The following FADS3 variants were observed in gnomAD, a reference collection of about 807,000 sequenced individuals.
FADS3 encodes the protein fatty acid desaturase 3, also known as cytochrome b5-related protein.
FADS3 carries 30 observed loss-of-function variants against 60.4 expected under a neutral mutation model. That is an observed-to-expected ratio of 0.50 (90% confidence interval 0.37 to 0.67). The LOEUF (loss-of-function observed/expected upper bound fraction) is 0.67. Among genes scored for constraint, FADS3 ranks in the 30% least tolerant of loss-of-function variants. The pLI, the probability that FADS3 is intolerant of heterozygous loss-of-function variation, is 0.00. For missense variants in FADS3, 432 were observed against 598.3 expected (o/e 0.72, Z 2.90); for synonymous variants, 234 against 249.3 (o/e 0.94, Z 0.58).
In FADS3 at chr11:61,876,823, G is replaced by A. The variant is rs1317362805; in HGVS notation, c.983+43C>T. On this transcript the variant is annotated intron_variant, in intron 8 of 11. Coordinates refer to ENST00000278829, the MANE Select transcript of FADS3 (RefSeq NM_021727.5). The surrounding 1 kb of genome is among the most constrained non-coding windows in gnomAD (Gnocchi z 5.7). ...GCTCTGGTGGGGGGCTGCAGTGGGG[G>A]TCACCTGTCGCCTGTGTGTGACCTC... 6.8e-7 allele frequency: 1 copy of A among 1,466,174 alleles called. No individual in the cohort carries two copies. The highest frequency in any genetic ancestry group is 9.4e-7 in the Non-Finnish European group (1 of 1,063,574). The allele number at this position is 1,466,174 out of a possible 1,614,324, so 90.8% of individuals were successfully genotyped here.
rs185378227 is a variant in FADS3 at position 61,880,242 on chromosome 11, G to A, written c.214-91C>T. 6.1e-4 allele frequency: 618 copies of A among 1,004,930 alleles called. 4 individuals are homozygous for A. Among genetic ancestry groups the A allele is most frequent in the Non-Finnish European group, 1.9e-4 (123 of 651,356 alleles). The allele number at this position is 1,004,930 out of a possible 1,614,324, so 62.3% of individuals were successfully genotyped here. A position where few individuals can be genotyped will look rare whatever the true frequency, so the allele number is the denominator to read the frequency against. ...GAGACAGGCGGAAGGACTACGGATG[G>A]ATGGGCAGAGCAGACGACAGGCGGA... On this transcript the variant is annotated intron_variant, in intron 1 of 11. Transcript: ENST00000278829.
chr11:61,885,769 G>T (rs892274947), intron 1 of FADS3, among the ~76,000 whole-genome samples: 2 of 152,276 alleles, frequency 1.3e-5, no homozygotes, highest in East Asian at 3.9e-4. Flanking sequence ...GGTGGTCGGG[G>T]TCTGTCCTCG....
rs752560493 is a variant in FADS3, at chr11:61,877,578, G to A, written c.818C>T (p.Pro273Leu). ...QHLYFFLIGP[P>L]LLTLVNFEVE... Reference sequence around the variant, plus strand: ...TTCAAAGTTCACCAGGGTGAGCAGCGGCGGGCCGACTGCAAGAAGGGGCAT... The same window carrying A: ...TTCAAAGTTCACCAGGGTGAGCAGCAGCGGGCCGACTGCAAGAAGGGGCAT... The change falls in exon 7 of 12, where the codon CCG becomes CTG. Residue 273 changes from proline to leucine, a missense_variant. Physicochemically the swap from Pro to Leu is moderately conservative, Grantham distance 98. This residue lies in a region of FADS3 where 116 missense variants were observed against 208.9 expected (regional missense o/e 0.56). Transcript: ENST00000278829. This position sits in a 1 kb window ranked among gnomAD's most constrained non-coding sequence, Gnocchi z 4.7. 11 of 1,613,582 alleles carry A rather than the reference G, an allele frequency of 6.8e-6. No individual in the cohort carries two copies. The highest frequency in any genetic ancestry group is 1.3e-5 in the African/African-American group (1 of 74,944).
chr11:61,879,939 C>G, intron 2 of FADS3, 102 bp downstream of exon 2: 1 of 938,198 alleles, frequency 1.1e-6, no homozygotes, highest in Non-Finnish European at 1.6e-6. Flanking sequence ...TCCCCTTGGG[C>G]GAATGCCGAG....
chr11:61,888,665 C>T (rs1938393473), intron 1 of FADS3, among the ~76,000 whole-genome samples: 1 of 152,184 alleles, frequency 6.6e-6, no homozygotes, highest in Non-Finnish European at 1.5e-5. Flanking sequence ...GCAGGGCACG[C>T]TCACACTTAG....
At position 61,875,959 on chromosome 11, in the gene FADS3, G is replaced by A. The variant is rs757125071; in HGVS notation, c.1178C>T (p.Pro393Leu). ...GGCCACCCGGCTGTAGTTGTGTCTC[G>A]GCATCCTGGGGAAGAGGCTGGGGGT... is the stretch of plus-strand genomic sequence containing the variant. ...QIEHHLFPRMPRHNYSRVAPL... is the reference protein window; with the variant it reads ...QIEHHLFPRMLRHNYSRVAPL... The change falls in exon 11 of 12, where the codon CCG becomes CTG. Residue 393 changes from proline (P) to leucine (L), a missense_variant. Around this residue, in one of 5 missense-constraint regions of FADS3, gnomAD observed 48 missense variants for 101.3 expected, o/e 0.47. Coordinates refer to ENST00000278829, the MANE Select transcript of FADS3 (RefSeq NM_021727.5). 5 of 1,613,738 alleles carry A rather than the reference G, an allele frequency of 3.1e-6. No individual in the cohort carries two copies. The highest frequency in any genetic ancestry group is 2.2e-5 in the East Asian group (1 of 44,884).
chr11:61,877,813 T>C lies in FADS3; in HGVS notation c.809-226A>G. The C allele has an allele frequency of 1.7e-6, 1 of 600,212 alleles. No individual in the cohort carries two copies. The highest frequency in any genetic ancestry group is 3.0e-6 in the Non-Finnish European group (1 of 335,896). The allele number at this position is 600,212 out of a possible 1,614,324, so 37.2% of individuals were successfully genotyped here. A position where few individuals can be genotyped will look rare whatever the true frequency, so the allele number is the denominator to read the frequency against. On this transcript the variant is annotated intron_variant, in intron 6 of 11. Transcript: ENST00000278829. The surrounding 1 kb of genome is among the most constrained non-coding windows in gnomAD (Gnocchi z 4.7). Reference sequence around the variant, plus strand: ...CTTCACCGCAAGTCAGGGCCAGACTTGAGTCCTCACTCTGTCCGCCCCAAC... The same window carrying C: ...CTTCACCGCAAGTCAGGGCCAGACTCGAGTCCTCACTCTGTCCGCCCCAAC...
At chr11:61,888,570 C>T (rs965339708) in intron 1 of FADS3, among the ~76,000 whole-genome samples, 1 of 152,228 alleles carries the variant, frequency 6.6e-6, no homozygotes, top group Admixed American at 6.5e-5. Flanking sequence ...GTGTCCCTTT[C>T]CTACTTCAGA....
intron 1 of FADS3, among the ~76,000 whole-genome samples, chr11:61,885,026 C>T (rs914024677): frequency 3.9e-5 from 6 of 152,120 alleles, no homozygotes; most frequent in African/African-American, 1.4e-4. Flanking sequence ...GAAATGAAGG[C>T]TCAGCGGGAA....
In FADS3 at chr11:61,873,867, T is replaced by A; in HGVS notation, c.1287-2A>T. 7.7e-7 allele frequency: 1 copy of A among 1,300,692 alleles called. No homozygotes were observed. The highest frequency in any genetic ancestry group is 1.0e-6 in the Non-Finnish European group (1 of 981,350). The allele number at this position is 1,300,692 out of a possible 1,614,324, so 80.6% of individuals were successfully genotyped here. On this transcript the variant is annotated splice_acceptor_variant, in intron 11 of 11. Transcript: ENST00000278829. LOFTEE classifies it high-confidence loss of function. ...ATGTCACCAGACTTCTTCAGGGACC[T>A]GGGAGGTGGGGGTGGCAGTGGGGGT...
Position 61,877,608 on chromosome 11 carries a change from G to A in FADS3, c.809-21C>T. 1 of 1,611,106 alleles carries A rather than the reference G, an allele frequency of 6.2e-7. No homozygotes were observed. Among genetic ancestry groups the A allele is most frequent in the Non-Finnish European group, 8.5e-7 (1 of 1,178,632 alleles). ...GCCGACTGCAAGAAGGGGCATGAGA[G>A]TGTTCAGGAGTGGGGCTGGGCTGCC... On this transcript the variant is annotated intron_variant, in intron 6 of 11. Transcript: ENST00000278829. The surrounding 1 kb of genome is among the most constrained non-coding windows in gnomAD (Gnocchi z 4.7).
rs1403962160 is a variant in FADS3, at chr11:61,877,008, C to CGGAGGTCT, written c.886-53_886-46dup. 1.9e-5 allele frequency: 27 copies of CGGAGGTCT among 1,437,934 alleles called. No homozygotes were observed. Among genetic ancestry groups the CGGAGGTCT allele is most frequent in the Admixed American group, 2.3e-5 (1 of 43,724 alleles). The allele number at this position is 1,437,934 out of a possible 1,614,324, so 89.1% of individuals were successfully genotyped here. On this transcript the variant is annotated intron_variant, in intron 7 of 11. Transcript: ENST00000278829. This position sits in a 1 kb window ranked among gnomAD's most constrained non-coding sequence, Gnocchi z 4.7. ...CGATACCGAGAGGTCTCCAGGTGCCCGGAGGTCTGGAGGCCTGGTGGGTGG... is the reference window on the plus strand; with the variant it reads ...CGATACCGAGAGGTCTCCAGGTGCCCGGAGGTCTGGAGGTCTGGAGGCCTGGTGGGTGG...
rs542953731 is a variant in FADS3, at chr11:61,876,280, C to A, written c.1080+79G>T. The A allele has an allele frequency of 4.4e-6, 7 of 1,581,208 alleles. No homozygotes were observed. The Admixed American group carries it at 8.7e-5, about 20-fold the overall frequency. ...CCCCCACCTGGCAGCCCCGTCAGGG[C>A]CTCATCCCTGCTTTGCCATCTGGCT... On this transcript the variant is annotated intron_variant, in intron 9 of 11. Coordinates refer to ENST00000278829, the MANE Select transcript of FADS3 (RefSeq NM_021727.5). The surrounding 1 kb of genome is among the most constrained non-coding windows in gnomAD (Gnocchi z 5.7).
Position 61,878,201 on chromosome 11 carries a change from T to G in FADS3, c.762A>C (p.Lys254Asn). The change falls in exon 6 of 12, where the codon AAA becomes AAC. Residue 254 changes from lysine (K) to asparagine (N), a missense_variant. Coordinates refer to ENST00000278829, the MANE Select transcript of FADS3 (RefSeq NM_021727.5). ...GCTGGTTGTAGGGTAGGTATCTGCG[T>G]TTCTTCTTGCCATACTGTGGAGACA... is the stretch of plus-strand genomic sequence containing the variant. ...GESSVEYGKK[K>N]RRYLPYNQQH... 3.1e-6 allele frequency: 5 copies of G among 1,614,044 alleles called. No homozygotes were observed. The highest frequency in any genetic ancestry group is 4.2e-6 in the Non-Finnish European group (5 of 1,180,002).
At chr11:61,883,972 C>G (rs1045553681) in intron 1 of FADS3, among the ~76,000 whole-genome samples, 1 of 152,214 alleles carries the variant, frequency 6.6e-6, no homozygotes, top group Non-Finnish European at 1.5e-5. Flanking sequence ...GCTGGGCTCT[C>G]AGAGCTGGGT....
In FADS3 at chr11:61,873,809, T is replaced by C. The variant is rs1237646750; in HGVS notation, c.*5A>G. On this transcript the variant is annotated 3_prime_UTR_variant, in exon 12 of 12. Transcript: ENST00000278829. ...AGCCCTTCTCTGCCCGCCTGGGTGT[T>C]GCCTTCACTGATGGAGGTAGGCGTC... 1.2e-6 allele frequency: 2 copies of C among 1,608,310 alleles called. No homozygotes were observed.
At position 61,876,945 on chromosome 11, in the gene FADS3, T is replaced by A; in HGVS notation, c.904A>T (p.Ser302Cys). 1 of 1,604,672 alleles carries A rather than the reference T, an allele frequency of 6.2e-7. No individual in the cohort carries two copies. Among genetic ancestry groups the A allele is most frequent in the Non-Finnish European group, 8.5e-7 (1 of 1,176,540 alleles). ...MQWADLLWAA[S>C]FYARFFLSYL... ...GATAAGAAGAAGCGGGCATAGAAGC[T>A]GGCGGCCCAGAGCAAATCCTGCAGA... Residue 302 changes from serine to cysteine, a missense_variant, in exon 8 of 12, where the codon AGC (serine) becomes TGC (cysteine). Physicochemically the swap from Ser to Cys is moderately radical, Grantham distance 112. Around this residue, in one of 5 missense-constraint regions of FADS3, gnomAD observed 38 missense variants for 34.8 expected, o/e 1.09. Transcript: ENST00000278829. This position sits in a 1 kb window ranked among gnomAD's most constrained non-coding sequence, Gnocchi z 5.7.
chr11:61,880,539 A>C (rs535389271), intron 1 of FADS3: 19 of 159,258 alleles, frequency 1.2e-4, no homozygotes, highest in Non-Finnish European at 2.2e-4. Context: ...GTAGAATAAG[A>C]TCTGGGTCAC....
At chr11:61,874,062 AGACCGGGGTGACGGGTGT>A (rs1167861142) in intron 11 of FADS3, among the ~76,000 whole-genome samples, 197 bp from the exon 12 acceptor site, 1 of 152,202 alleles carries the variant, frequency 6.6e-6, no homozygotes, top group Non-Finnish European at 1.5e-5. Flanking sequence ...AATGGAATCT[AGACCGGGGTGACGGGTGT>A]CGGGTAGGGG....
Sources: allele counts gnomAD v4.1 joint callset (sites outside exome capture counted in the v4.1 genomes callset), GRCh38; gene constraint gnomAD v4.1.1; regional missense constraint gnomAD v4.1.1; non-coding constraint Gnocchi (gnomAD v3.1); transcripts MANE v1.5; gene names NCBI Gene and HGNC (gene_info 2026-07-23, HGNC 2026-07-21).